Variants in CTNNA2 observed in about 807,000 individuals in gnomAD.
CTNNA2 encodes catenin alpha-2.
CTNNA2 carries 42 observed loss-of-function variants against 101.0 expected under a neutral mutation model. The observed-to-expected ratio is 0.42, with a 90% CI of 0.32 to 0.54. CTNNA2 has a LOEUF of 0.54. CTNNA2 is among the 20% of genes least tolerant of loss of function. The pLI is 0.14. For missense variants in CTNNA2, 871 were observed against 1,223.1 expected, an observed-to-expected ratio of 0.71 and a Z score of 4.29; for synonymous variants, 450 against 456.4, an observed-to-expected ratio of 0.99 and a Z score of 0.18.
intron 18 of CTNNA2, among the ~76,000 whole-genome samples, chr2:80,633,148 AATTAT>A (rs1158367942): frequency 1.3e-5 from 2 of 152,194 alleles, no homozygotes; most frequent in South Asian, 2.1e-4. Flanking sequence ...GGTTCTTATA[AATTAT>A]ATTATCAGCC....
chr2:79,812,612 A>C (rs1258890434), intron 3 of CTNNA2, among the ~76,000 whole-genome samples: 2 of 152,176 alleles, frequency 1.3e-5, no homozygotes, highest in African/African-American at 4.8e-5. Context: ...CATTTCTCTA[A>C]CCTTGTCATT....
intron 1 of CTNNA2, among the ~76,000 whole-genome samples, chr2:79,566,587 C>T (rs900654418): frequency 6.6e-6 from 1 of 151,964 alleles, no homozygotes; most frequent in Non-Finnish European, 1.5e-5. Flanking sequence ...TTTCATTTTA[C>T]TTTCTTGTTG....
intron 7 of CTNNA2, among the ~76,000 whole-genome samples, chr2:80,373,526 T>C (rs867720738): frequency 6.6e-6 from 1 of 152,196 alleles, no homozygotes; most frequent in Non-Finnish European, 1.5e-5. Context: ...AATTAAACCG[T>C]GAGAGAGCAT....
Position 79,964,266 on chromosome 2 carries a change from AT to A in CTNNA2, c.1056+54470del, listed in dbSNP as rs1012990583. ...TTTACAGTTATTTCATTTAATCCAT[AT>A]AATGCCACTGAGACATGGGCATTAT... On this transcript the variant is annotated intron_variant, in intron 7 of 18. Transcript: ENST00000402739. Among the ~76,000 whole-genome samples the A allele has an allele frequency of 2.2e-4, 33 of 152,210 alleles. 1 individual carries two copies. The highest frequency in any genetic ancestry group is 8.8e-5 in the Non-Finnish European group (6 of 68,042).
intron 4 of CTNNA2, among the ~76,000 whole-genome samples, chr2:79,440,634 G>C (rs1678767703): frequency 6.6e-6 from 1 of 152,144 alleles, no homozygotes; most frequent in Non-Finnish European, 1.5e-5. Context: ...ATATACCTAA[G>C]TGCCCTCACT....
At chr2:80,035,795 C>G (rs1324716719) in intron 7 of CTNNA2, among the ~76,000 whole-genome samples, 1 of 152,152 alleles carries the variant, frequency 6.6e-6, no homozygotes. Flanking sequence ...TCATCAGTCA[C>G]CTTCAGTACC....
chr2:80,510,386 T>C (rs1688617021), intron 9 of CTNNA2, among the ~76,000 whole-genome samples: 1 of 152,218 alleles, frequency 6.6e-6, no homozygotes, highest in Admixed American at 6.5e-5. Context: ...AGTCTCCTTA[T>C]TGATTATCTG....
chr2:79,428,597 AAAAC>A (rs1317161620), intron 4 of CTNNA2, among the ~76,000 whole-genome samples: 1 of 152,090 alleles, frequency 6.6e-6, no homozygotes, highest in African/African-American at 2.4e-5. Context: ...AAACATGTAA[AAAAC>A]AAAATAACAA....
At chr2:80,345,049 A>G (rs1378227489) in intron 7 of CTNNA2, among the ~76,000 whole-genome samples, 1 of 152,096 alleles carries the variant, frequency 6.6e-6, no homozygotes, top group Non-Finnish European at 1.5e-5. Flanking sequence ...GGCTCTCCCT[A>G]TATTCACCTT....
At chr2:79,588,435 T>C (rs1676633157) in intron 1 of CTNNA2, among the ~76,000 whole-genome samples, 1 of 152,240 alleles carries the variant, frequency 6.6e-6, no homozygotes, top group Non-Finnish European at 1.5e-5. Flanking sequence ...TGGATAAAGA[T>C]ATACTTACAT....
intron 4 of CTNNA2, among the ~76,000 whole-genome samples, chr2:79,396,903 G>A (rs181150871): frequency 1.7e-3 from 264 of 152,220 alleles, no homozygotes; most frequent in Non-Finnish European, 3.1e-3. Flanking sequence ...TAGACCACGG[G>A]ATGTAATTTG....
chr2:80,317,205 G>T (rs1416608276), intron 7 of CTNNA2, among the ~76,000 whole-genome samples: 1 of 152,116 alleles, frequency 6.6e-6, no homozygotes, highest in Non-Finnish European at 1.5e-5. Flanking sequence ...CACAGGATAT[G>T]CTTTCTTAAA....
chr2:80,354,515 A>G (rs529524149), intron 7 of CTNNA2, among the ~76,000 whole-genome samples: 16 of 152,250 alleles, frequency 1.1e-4, no homozygotes, highest in Non-Finnish European at 1.8e-4. Flanking sequence ...TTTTGAGGGG[A>G]CAAAGGTACA....
intron 9 of CTNNA2, among the ~76,000 whole-genome samples, chr2:80,511,323 C>G (rs764541408): frequency 6.6e-6 from 1 of 152,184 alleles, no homozygotes; most frequent in Non-Finnish European, 1.5e-5. Flanking sequence ...ATCAGTGTTA[C>G]GGTTTGAAGC....
intron 7 of CTNNA2, among the ~76,000 whole-genome samples, chr2:80,115,556 A>G (rs897429768): frequency 6.6e-6 from 1 of 152,194 alleles, no homozygotes. Flanking sequence ...CAGTAAAAGC[A>G]AGTTGACAAT....
At chr2:79,618,014 T>C (rs1453211343) in intron 1 of CTNNA2, among the ~76,000 whole-genome samples, 2 of 152,126 alleles carry the variant, frequency 1.3e-5, no homozygotes, top group Non-Finnish European at 2.9e-5. Flanking sequence ...CATATCTCTT[T>C]GATCAGAGAG....
At chr2:80,526,489 C>A (rs564407562) in intron 9 of CTNNA2, among the ~76,000 whole-genome samples, 1 of 151,972 alleles carries the variant, frequency 6.6e-6, no homozygotes, top group African/African-American at 2.4e-5. Context: ...TGCGTCACCA[C>A]GCCTGGCTAA....
intron 2 of CTNNA2, 136 bp downstream of exon 2, chr2:79,651,794 C>T (rs899084275): frequency 8.4e-6 from 6 of 717,924 alleles, no homozygotes; most frequent in Non-Finnish European, 1.4e-5. Context: ...TATATTACTG[C>T]CTGAACTATG....
chr2:80,315,578 G>A (rs1678038395), intron 7 of CTNNA2, among the ~76,000 whole-genome samples: 1 of 152,162 alleles, frequency 6.6e-6, no homozygotes. Flanking sequence ...CAATCAGGTG[G>A]TGATTGTAGG....
Sources: allele counts gnomAD v4.1 joint callset (sites outside exome capture counted in the v4.1 genomes callset), GRCh38; gene constraint gnomAD v4.1.1; transcripts MANE v1.5; gene names NCBI Gene and HGNC (gene_info 2026-07-23, HGNC 2026-07-21).